The following ANK1 variants were observed in gnomAD, a reference collection of about 807,000 sequenced individuals.
The protein encoded by ANK1 is ankyrin-1.
In ANK1, 51 loss-of-function variants were observed where a neutral mutation model predicts 210.4. That is an observed-to-expected ratio of 0.24 (90% CI 0.19 to 0.31). ANK1 has a LOEUF of 0.31. ANK1 is among the 10% of genes least tolerant of loss of function. ANK1 has a pLI of 1.00. For missense variants in ANK1, 2,051 were observed against 2,504.4 expected, an observed-to-expected ratio of 0.82 and a Z score of 3.86; for synonymous variants, 967 against 1,025.9, an observed-to-expected ratio of 0.94 and a Z score of 1.10.
rs1810871433 is a variant in ANK1 at position 41,849,810 on chromosome 8, C to CT, written c.126+46544dup. 3.9e-5 allele frequency among the ~76,000 whole-genome samples: 6 copies of CT among 152,320 alleles called. No homozygotes were observed. In the South Asian group the frequency reaches 1.2e-3, roughly 32 times the overall value. On this transcript the variant is annotated intron_variant, in intron 1 of 42. Transcript: ENST00000265709. Reference sequence around the variant, plus strand: ...GTCACTCACAATTTTCTCTCTTCCTCTTAACTCTTTTTCACCAACCACGCT... The same window carrying CT: ...GTCACTCACAATTTTCTCTCTTCCTCTTTAACTCTTTTTCACCAACCACGCT...
intron 1 of ANK1, among the ~76,000 whole-genome samples, chr8:41,864,722 C>G (rs1322690191): frequency 2.0e-5 from 3 of 152,200 alleles, no homozygotes; most frequent in African/African-American, 7.2e-5. Context: ...ATTCAGACCC[C>G]TTACCAACCT....
intron 7 of ANK1, 35 bp from the exon 8 acceptor site, chr8:41,723,668 A>G: frequency 1.3e-6 from 2 of 1,597,006 alleles, no homozygotes; most frequent in Non-Finnish European, 1.7e-6. Context: ...AGGGCGCGTC[A>G]TCCTTCCCTG....
intron 1 of ANK1, among the ~76,000 whole-genome samples, chr8:41,880,846 G>C (rs1001054205): frequency 1.3e-5 from 2 of 152,242 alleles, no homozygotes; most frequent in African/African-American, 4.8e-5. Flanking sequence ...CTCTGCACCA[G>C]CAGTGCAGAT....
At chr8:41,812,301 T>A (rs9650333) in intron 1 of ANK1, among the ~76,000 whole-genome samples, 55,444 of 152,028 alleles carry the variant, frequency 0.36, 10,548 homozygotes, top group Non-Finnish European at 0.42. Flanking sequence ...ACCATAATTA[T>A]ATACATAATT....
intron 2 of ANK1, among the ~76,000 whole-genome samples, chr8:41,741,173 A>T (rs924559302): frequency 6.6e-6 from 1 of 152,130 alleles, no homozygotes; most frequent in Non-Finnish European, 1.5e-5. Flanking sequence ...TGTTACCACA[A>T]TTTCAAAAAT....
At chr8:41,703,422 G>GTATATATATATATATATATATATATA (rs57077078) in intron 20 of ANK1, among the ~76,000 whole-genome samples, 2 of 53,762 alleles carry the variant, frequency 3.7e-5, no homozygotes, top group Non-Finnish European at 6.9e-5. Flanking sequence ...GTGTGTGTGT[G>GTATATATATATATATATATATATATA]TATATATATA....
intron 1 of ANK1, among the ~76,000 whole-genome samples, chr8:41,763,805 C>T (rs543857950): frequency 2.3e-3 from 351 of 151,318 alleles, no homozygotes; most frequent in Non-Finnish European, 3.9e-3. Context: ...GTAAAGTGAC[C>T]GGCTAAGGTC....
chr8:41,805,227 C>T (rs1419677488), intron 1 of ANK1, among the ~76,000 whole-genome samples: 1 of 147,352 alleles, frequency 6.8e-6, no homozygotes, highest in Non-Finnish European at 1.5e-5. Context: ...CTCTCTCTGT[C>T]TCTCTCTCTT....
intron 1 of ANK1, among the ~76,000 whole-genome samples, chr8:41,787,878 G>A (rs1846754019): frequency 6.6e-6 from 1 of 151,804 alleles, no homozygotes. Flanking sequence ...AGGAGGAGGA[G>A]GAGAAAGAAG....
At chr8:41,826,155 T>C (rs1805330136) in intron 1 of ANK1, among the ~76,000 whole-genome samples, 1 of 152,182 alleles carries the variant, frequency 6.6e-6, no homozygotes, top group Non-Finnish European at 1.5e-5. Context: ...GGAGGGGTCC[T>C]TGGTGCCCCC....
At chr8:41,777,978 C>T (rs1370610432) in intron 1 of ANK1, among the ~76,000 whole-genome samples, 2 of 152,140 alleles carry the variant, frequency 1.3e-5, no homozygotes, top group African/African-American at 4.8e-5. Flanking sequence ...ACAATCATTA[C>T]CAATATCCAC....
chr8:41,854,137 C>T (rs542726913), intron 1 of ANK1, among the ~76,000 whole-genome samples: 64 of 152,256 alleles, frequency 4.2e-4, no homozygotes, highest in Non-Finnish European at 8.5e-4. Context: ...ATCACAACTT[C>T]CTGCAGCGGG....
chr8:41,667,132 G>A (rs1415669233), intron 39 of ANK1, among the ~76,000 whole-genome samples: 1 of 152,224 alleles, frequency 6.6e-6, no homozygotes, highest in Non-Finnish European at 1.5e-5. Flanking sequence ...CGGACGGGCC[G>A]CCTGTGGTGA....
At chr8:41,752,871 A>G (rs1446391905) in intron 2 of ANK1, among the ~76,000 whole-genome samples, 1 of 150,892 alleles carries the variant, frequency 6.6e-6, no homozygotes, top group Non-Finnish European at 1.5e-5. Flanking sequence ...TTAAAGCACA[A>G]CCCTGATCAC....
chr8:41,672,130 T>C (rs1812609859), intron 38 of ANK1, among the ~76,000 whole-genome samples: 1 of 152,204 alleles, frequency 6.6e-6, no homozygotes, highest in Non-Finnish European at 1.5e-5. Context: ...TCGGGGTCTC[T>C]CCTGCCGGGC....
chr8:41,753,597 C>G (rs1201859177), intron 2 of ANK1, among the ~76,000 whole-genome samples: 1 of 152,128 alleles, frequency 6.6e-6, no homozygotes, highest in Non-Finnish European at 1.5e-5. Context: ...CATGAATGTA[C>G]TGCATGACAC....
Position 41,807,598 on chromosome 8 carries a change from G to A in ANK1, c.127-49461C>T, listed in dbSNP as rs115467266. On this transcript the variant is annotated intron_variant, in intron 1 of 42. Coordinates refer to the ANK1 transcript ENST00000265709. The stretch of plus-strand genomic sequence containing the variant: ...GGGTGGTGTACTAGATGGATCACAC[G>A]GTGCTGGTGGTGGCAGTGGTCATGA... 6.1e-3 allele frequency among the ~76,000 whole-genome samples: 935 copies of A among 152,202 alleles called. 7 individuals are homozygous for A. The highest frequency in any genetic ancestry group is 0.021 in the African/African-American group (875 of 41,522).
chr8:41,824,899 C>T (rs1805099371), intron 1 of ANK1, among the ~76,000 whole-genome samples: 2 of 152,202 alleles, frequency 1.3e-5, no homozygotes, highest in Admixed American at 6.5e-5. Context: ...GCTGTAGGGC[C>T]TGGCTCTCTT....
intron 2 of ANK1, among the ~76,000 whole-genome samples, chr8:41,749,970 T>C (rs1207335067): frequency 6.6e-6 from 1 of 152,226 alleles, no homozygotes; most frequent in African/African-American, 2.4e-5. Flanking sequence ...CATAAGATGA[T>C]ATTCAGAAGT....
Sources: allele counts gnomAD v4.1 joint callset (sites outside exome capture counted in the v4.1 genomes callset), GRCh38; gene constraint gnomAD v4.1.1; transcripts MANE v1.5; gene names NCBI Gene and HGNC (gene_info 2026-07-23, HGNC 2026-07-21).